Variants in LMF1 observed in about 807,000 individuals in gnomAD.
LMF1 encodes lipase maturation factor 1.
In LMF1, 68 loss-of-function variants were observed where a neutral mutation model predicts 60.6. That is an observed-to-expected ratio of 1.12 (90% CI 0.92 to 1.37). The LOEUF (loss-of-function observed/expected upper bound fraction) is 1.37, where lower values mean the gene tolerates loss of function less well. Among genes scored for constraint, LMF1 ranks in the 40% most tolerant of loss-of-function variants. The pLI is 0.00. For missense variants in LMF1, 948 were observed against 767.2 expected (o/e 1.24, Z -2.78); for synonymous variants, 418 against 324.7 (o/e 1.29, Z -3.09).
chr16:929,830 C>T (rs2071718649), intron 3 of LMF1, among the ~76,000 whole-genome samples: 1 of 152,262 alleles, frequency 6.6e-6, no homozygotes, highest in Non-Finnish European at 1.5e-5. Flanking sequence ...TCATCCTGCT[C>T]AGCAGTCACG....
intron 3 of LMF1, among the ~76,000 whole-genome samples, chr16:913,543 G>A (rs2071182426): frequency 6.6e-6 from 1 of 152,222 alleles, no homozygotes; most frequent in Admixed American, 6.5e-5. Flanking sequence ...AGGAAATGCA[G>A]GTGCCCCAGC....
Position 955,129 on chromosome 16 carries a change from C to T in LMF1, c.194-463G>A, listed in dbSNP as rs1462327142. ...ACACACACACACACATCTAAGTAAA[C>T]TAGACAAGTTACATAAAATGCGTGC... On this transcript the variant is annotated intron_variant, in intron 1 of 10. Coordinates refer to ENST00000262301, the MANE Select transcript of LMF1 (RefSeq NM_022773.4). 2.0e-3 allele frequency among the ~76,000 whole-genome samples: 291 copies of T among 142,112 alleles called. 22 individuals are homozygous for T. The highest frequency in any genetic ancestry group is 2.7e-3 in the African/African-American group (99 of 36,284). The allele number at this position is 142,112 out of a possible 152,430, so 93.2% of individuals were successfully genotyped here. A position where few individuals can be genotyped will look rare whatever the true frequency, so the allele number is the denominator to read the frequency against.
intron 9 of LMF1, chr16:869,444 T>G: frequency 1.9e-6 from 1 of 539,926 alleles, no homozygotes. Context: ...TTCTTTCCTG[T>G]TCGCTGAGAC....
chr16:855,645 G>A (rs1204076758), intron 10 of LMF1: 2 of 453,166 alleles, frequency 4.4e-6, no homozygotes, highest in Non-Finnish European at 8.9e-6. Flanking sequence ...CCCACAGGGC[G>A]GCTGCTGCCT....
At chr16:934,033 G>A (rs1032003007) in intron 3 of LMF1, 1 of 1,506,718 alleles carries the variant, frequency 6.6e-7, no homozygotes, top group African/African-American at 1.4e-5. Flanking sequence ...TCCGTCTCTA[G>A]GTGCCCGGGG....
At chr16:906,895 C>T (rs560926862) in intron 4 of LMF1, among the ~76,000 whole-genome samples, 21 of 152,198 alleles carry the variant, frequency 1.4e-4, no homozygotes, top group East Asian at 7.7e-4. Context: ...AAATTGGTGA[C>T]GATGGACAGT....
rs1206413071 is a variant in LMF1 at position 868,964 on chromosome 16, G to A, written c.1509C>T (p.Phe503=). The A allele has an allele frequency of 1.9e-5, 30 of 1,611,346 alleles. No homozygotes were observed. Among genetic ancestry groups the A allele is most frequent in the African/African-American group, 4.0e-5 (3 of 74,914 alleles). ...EALSLLAHNP[F]AGRPPPRWVR... ...CCTACCTGGGCGGGGGCCTGCCCGCGAAGGGGTTGTGTGCCAGCAGGGACA... is the reference window on the plus strand; with the variant it reads ...CCTACCTGGGCGGGGGCCTGCCCGCAAAGGGGTTGTGTGCCAGCAGGGACA... The change falls in exon 10 of 11, where the codon TTC becomes TTT. Residue 503 remains phenylalanine (F), a synonymous_variant. Transcript: ENST00000262301.
rs1036361188 is a variant in LMF1, at chr16:931,189, G to C, written c.514+3055C>G. Among the ~76,000 whole-genome samples, 4 of 152,072 alleles carry C rather than the reference G, an allele frequency of 2.6e-5. No individual in the cohort carries two copies. In the South Asian group the frequency reaches 8.3e-4, roughly 31 times the overall value. On this transcript the variant is annotated intron_variant, in intron 3 of 10. Coordinates refer to ENST00000262301, the MANE Select transcript of LMF1 (RefSeq NM_022773.4). ...CTACATGCGGCCACGGAGCACATGA[G>C]GTGCAGCCAACGCAACCAAGGACTG...
intron 8 of LMF1, among the ~76,000 whole-genome samples, 184 bp from the exon 9 acceptor site, chr16:870,250 G>A (rs1245829017): frequency 6.6e-6 from 1 of 152,234 alleles, no homozygotes; most frequent in Non-Finnish European, 1.5e-5. Context: ...TTTGGGAACT[G>A]TGGCCCCAGG....
chr16:882,875 A>G (rs536464889), intron 5 of LMF1, among the ~76,000 whole-genome samples: 7 of 146,326 alleles, frequency 4.8e-5, no homozygotes, highest in African/African-American at 1.9e-4. Flanking sequence ...CAGGACCAGG[A>G]GAAAGAGGAG....
intron 2 of LMF1, among the ~76,000 whole-genome samples, chr16:934,991 G>C (rs979228748): frequency 3.3e-5 from 5 of 152,248 alleles, no homozygotes; most frequent in Non-Finnish European, 5.9e-5. Context: ...GGTGCTCAGT[G>C]CCACACCTGA....
intron 5 of LMF1, among the ~76,000 whole-genome samples, chr16:881,205 G>A (rs894191457): frequency 6.6e-6 from 1 of 152,226 alleles, no homozygotes; most frequent in African/African-American, 2.4e-5. Context: ...CACCCGAGGG[G>A]GTGACCGGGC....
chr16:977,796 C>T (rs376914378), intron 1 of LMF1, among the ~76,000 whole-genome samples: 88 of 152,030 alleles, frequency 5.8e-4, no homozygotes, highest in South Asian at 3.9e-3. Flanking sequence ...CCTGCTTCCT[C>T]CTCGTGCCCT....
chr16:946,710 A>T lies in LMF1; in HGVS notation c.503+7647T>A, dbSNP rs115718632. On this transcript the variant is annotated intron_variant, in intron 2 of 10. Transcript: ENST00000262301. ...TCACAGGTCCAACCTCAAGCCAAAC[A>T]ACATGGGCTCAGTCACCTACATGGC... Among the ~76,000 whole-genome samples the T allele has an allele frequency of 9.6e-3, 1,468 of 152,336 alleles. 25 individuals are homozygous for T. Among genetic ancestry groups the T allele is most frequent in the African/African-American group, 0.033 (1,386 of 41,572 alleles).
At chr16:939,857 C>T (rs937425708) in intron 2 of LMF1, among the ~76,000 whole-genome samples, 4 of 152,142 alleles carry the variant, frequency 2.6e-5, no homozygotes, top group African/African-American at 9.7e-5. Context: ...GAGAGAAGCC[C>T]TGGGCAGTGG....
intron 6 of LMF1, among the ~76,000 whole-genome samples, chr16:875,641 G>A (rs559737909): frequency 2.4e-4 from 37 of 152,252 alleles, no homozygotes; most frequent in African/African-American, 7.0e-4. Context: ...CCATGGAAGC[G>A]GGAGGTGGGA....
At chr16:896,467 TGA>T (rs1278079380) in intron 4 of LMF1, among the ~76,000 whole-genome samples, 1 of 152,196 alleles carries the variant, frequency 6.6e-6, no homozygotes, top group African/African-American at 2.4e-5. Flanking sequence ...TTTTAAAAAC[TGA>T]GAGTCAGGTC....
rs775785513 is a variant in LMF1, at chr16:853,729, C to T, written c.*803G>A. The T allele has an allele frequency of 9.7e-5, 44 of 454,008 alleles. No individual in the cohort carries two copies. Among genetic ancestry groups the T allele is most frequent in the Non-Finnish European group, 1.5e-4 (34 of 226,796 alleles). The allele number at this position is 454,008 out of a possible 1,614,324, so 28.1% of individuals were successfully genotyped here. ...AGGAATAAGAAAAATGTGCAGTAGA[C>T]GCTGTTTGTCCGACGATGATGAAAG... On this transcript the variant is annotated 3_prime_UTR_variant, in exon 11 of 11. Transcript: ENST00000262301.
intron 6 of LMF1, among the ~76,000 whole-genome samples, chr16:875,793 G>A (rs2069955446): frequency 6.6e-6 from 1 of 152,210 alleles, no homozygotes; most frequent in South Asian, 2.1e-4. Context: ...TTCTCCACCG[G>A]CAGGGGCAGG....
Sources: allele counts gnomAD v4.1 joint callset (sites outside exome capture counted in the v4.1 genomes callset), GRCh38; gene constraint gnomAD v4.1.1; transcripts MANE v1.5; gene names NCBI Gene and HGNC (gene_info 2026-07-23, HGNC 2026-07-21).